The following PVALB variants were observed in gnomAD, a reference collection of about 807,000 sequenced individuals.
The protein encoded by PVALB is parvalbumin, also known as parvalbumin alpha.
PVALB carries 11 observed loss-of-function variants against 10.9 expected under a neutral mutation model. The observed-to-expected ratio is 1.01, with a 90% CI of 0.63 to 1.67. PVALB has a LOEUF of 1.67. PVALB is among the 40% of genes most tolerant of loss of function. The pLI, the probability that PVALB is intolerant of heterozygous loss-of-function variation, is 0.00. For missense variants in PVALB, 131 were observed against 136.2 expected (o/e 0.96, Z 0.19); for synonymous variants, 57 against 50.7 (o/e 1.12, Z -0.53).
At chr22:36,810,779 C>A (rs1192020632) in intron 3 of PVALB, among the ~76,000 whole-genome samples, 1 of 152,214 alleles carries the variant, frequency 6.6e-6, no homozygotes, top group Non-Finnish European at 1.5e-5. Flanking sequence ...ATCTTCTTGC[C>A]CCTTTCTGAA....
chr22:36,801,048 T>C (rs1938855712), intron 3 of PVALB, 130 bp from the exon 4 acceptor site: 1 of 831,476 alleles, frequency 1.2e-6, no homozygotes, highest in Admixed American at 2.2e-5. Context: ...CCCCAGAGCG[T>C]AAGTGTGAAA....
rs1314324113 is a variant in PVALB, at chr22:36,816,960, C to G, written c.46G>C (p.Val16Leu). The G allele has an allele frequency of 6.2e-7, 1 of 1,608,862 alleles. No individual in the cohort carries two copies. The highest frequency in any genetic ancestry group is 8.5e-7 in the Non-Finnish European group (1 of 1,178,724). The stretch of plus-strand genomic sequence containing the variant: ...GCTTGCTCACCGCTAAAGGCTCCCA[C>G]CGCCTTCTTGATGTCCTCAGCGTTC... ...LLNAEDIKKA[V>L]GAFSATDSFD... Residue 16 changes from valine to leucine, a missense_variant, in exon 1 of 4, where the codon GTG (valine) becomes CTG (leucine). Transcript: ENST00000417718.
At chr22:36,816,906 C>A (rs199687577) in intron 1 of PVALB, 39 bp downstream of exon 1, 3 of 1,557,518 alleles carry the variant, frequency 1.9e-6, no homozygotes, top group Non-Finnish European at 2.6e-6. Context: ...GGGCGGTGGA[C>A]GAGGGGAGAG....
intron 2 of PVALB, among the ~76,000 whole-genome samples, chr22:36,814,557 T>C (rs1391785414): frequency 6.6e-6 from 1 of 152,052 alleles, no homozygotes; most frequent in South Asian, 2.1e-4. Flanking sequence ...TGGGAGATGC[T>C]TTTGCAGATG....
At chr22:36,813,933 C>T (rs2071709) in intron 2 of PVALB, among the ~76,000 whole-genome samples, 178 bp from the exon 3 acceptor site, 29,252 of 151,940 alleles carry the variant, frequency 0.19, 3,204 homozygotes, top group African/African-American at 0.29. Flanking sequence ...GCTGTGCTTT[C>T]GTGGGTGAGT....
upstream of PVALB, chr22:36,818,741 A>G (rs1795805012): frequency 6.6e-6 from 1 of 152,292 alleles, no homozygotes; most frequent in African/African-American, 2.4e-5. Context: ...CAGTGGAGAA[A>G]CGGAGGCACA....
chr22:36,815,029 G>A (rs1428720415), intron 2 of PVALB, 74 bp downstream of exon 2: 1 of 1,572,906 alleles, frequency 6.4e-7, no homozygotes, highest in East Asian at 2.3e-5. Flanking sequence ...ATGGACACTT[G>A]GAAGCTAGAG....
Position 36,815,042 on chromosome 22 carries a change from C to T in PVALB, c.194+61G>A. 1.9e-6 allele frequency: 3 copies of T among 1,600,284 alleles called. No homozygotes were observed. In the South Asian group the frequency reaches 3.3e-5, roughly 18 times the overall value. On this transcript the variant is annotated intron_variant, in intron 2 of 3. Coordinates refer to ENST00000417718, the MANE Select transcript of PVALB (RefSeq NM_001315532.2). ...TGATGGACACTTGGAAGCTAGAGTC[C>T]CAGCCCCCACTCCCTCTCGTGCAGC... is the stretch of plus-strand genomic sequence containing the variant.
chr22:36,805,205 C>T (rs985732797), intron 3 of PVALB, among the ~76,000 whole-genome samples: 1 of 152,152 alleles, frequency 6.6e-6, no homozygotes, highest in Non-Finnish European at 1.5e-5. Context: ...GGGGGTAACT[C>T]CCAGCTCCCA....
chr22:36,801,374 G>A (rs959583595), intron 3 of PVALB, among the ~76,000 whole-genome samples: 1 of 152,206 alleles, frequency 6.6e-6, no homozygotes, highest in African/African-American at 2.4e-5. Flanking sequence ...CTTCTCTGCT[G>A]TTTTTCTCCC....
At position 36,800,864 on chromosome 22, in the gene PVALB, G is replaced by A. The variant is rs774951041; in HGVS notation, c.*26C>T. 1.9e-6 allele frequency: 3 copies of A among 1,597,062 alleles called. No homozygotes were observed. The African/African-American group carries it at 4.0e-5, about 21-fold the overall frequency. Reference sequence around the variant, plus strand: ...GATTGGGTGTTCAGGGCAGAGAGGTGGAAGACCAGGGGCAGTCAGTGCTTC... The same window carrying A: ...GATTGGGTGTTCAGGGCAGAGAGGTAGAAGACCAGGGGCAGTCAGTGCTTC... On this transcript the variant is annotated 3_prime_UTR_variant, in exon 4 of 4. Coordinates refer to ENST00000417718, the MANE Select transcript of PVALB (RefSeq NM_001315532.2).
chr22:36,816,044 T>TG (rs1555911584), intron 1 of PVALB, among the ~76,000 whole-genome samples: 21,068 of 107,088 alleles, frequency 0.2, 1,688 homozygotes, highest in African/African-American at 0.49. Flanking sequence ...GATCATGTAT[T>TG]TTGTGTGTGT....
intron 3 of PVALB, among the ~76,000 whole-genome samples, chr22:36,803,673 G>GTGGATGGATGGA (rs535685267): frequency 3.8e-4 from 45 of 119,932 alleles, no homozygotes; most frequent in East Asian, 1.3e-3. Flanking sequence ...GGGTGGGTGG[G>GTGGATGGATGGA]TGGATGGATG....
At chr22:36,804,041 C>A (rs1938913917) in intron 3 of PVALB, among the ~76,000 whole-genome samples, 1 of 152,198 alleles carries the variant, frequency 6.6e-6, no homozygotes, top group Admixed American at 6.5e-5. Flanking sequence ...TTTGGGGGCA[C>A]TGAGTTTCTC....
In PVALB at chr22:36,813,689, C is replaced by T. The variant is rs1422877944; in HGVS notation, c.261G>A (p.Met87Ile). Residue 87 changes from methionine to isoleucine, a missense_variant, in exon 3 of 4, where the codon ATG becomes ATA. Coordinates refer to ENST00000417718, the MANE Select transcript of PVALB (RefSeq NM_001315532.2). ...CGTCCCCATCTTTGTCTCCAGCAGC[C>T]ATCAGCATCTTGGTTTCTTTAGCAG... ...DLSAKETKML[M>I]AAGDKDGDGK... 2 of 1,614,164 alleles carry T rather than the reference C, an allele frequency of 1.2e-6. No individual in the cohort carries two copies. Among genetic ancestry groups the T allele is most frequent in the South Asian group, 2.2e-5 (2 of 91,074 alleles).
intron 3 of PVALB, among the ~76,000 whole-genome samples, chr22:36,809,855 G>GTTTTT (rs58451670): frequency 1.4e-4 from 17 of 122,102 alleles, no homozygotes; most frequent in South Asian, 5.6e-4. Context: ...CATGTCCCAT[G>GTTTTT]TTTTTTTTTT....
intron 2 of PVALB, 39 bp from the exon 3 acceptor site, chr22:36,813,794 G>A (rs767726513): frequency 3.3e-6 from 5 of 1,505,988 alleles, no homozygotes; most frequent in East Asian, 4.5e-5. Context: ...AGGGAGTCAG[G>A]CCGAGGTCGC....
intron 3 of PVALB, among the ~76,000 whole-genome samples, chr22:36,801,450 C>T (rs1938863541): frequency 6.6e-6 from 1 of 152,196 alleles, no homozygotes; most frequent in African/African-American, 2.4e-5. Context: ...GATGCCATGT[C>T]TCAGCCTGCT....
chr22:36,810,861 G>A (rs1250483299), intron 3 of PVALB, among the ~76,000 whole-genome samples: 1 of 152,226 alleles, frequency 6.6e-6, no homozygotes. Context: ...GTCCCCTACA[G>A]CCTGTGGCTT....
Sources: gnomAD v4.1 joint callset for allele counts (sites outside exome capture counted in the v4.1 genomes callset) on GRCh38, gnomAD v4.1.1 for gene constraint, MANE v1.5 for transcripts, NCBI Gene and HGNC (gene_info 2026-07-23, HGNC 2026-07-21) for gene names.